RBFOX1: variants seen among roughly 807,000 people sequenced by gnomAD.
RBFOX1 encodes the protein RNA binding protein fox-1 homolog 1.
Under a neutral mutation model 57.7 loss-of-function variants are expected in RBFOX1, and 8 were observed. The observed-to-expected ratio is 0.14, with a 90% CI of 0.08 to 0.25. RBFOX1 has a LOEUF of 0.25. Ranked by LOEUF, RBFOX1 falls within the 10% of genes least tolerant of loss-of-function variation. RBFOX1 has a pLI of 1.00. For synonymous variants in RBFOX1, 326 were observed against 222.4 expected (o/e 1.47, Z -4.15); for missense variants, 611 against 548.5 (o/e 1.11, Z -1.14).
chr16:6,773,366 G>A (rs1329141286), intron 3 of RBFOX1, among the ~76,000 whole-genome samples: 4 of 147,196 alleles, frequency 2.7e-5, no homozygotes, highest in Non-Finnish European at 4.5e-5. Flanking sequence ...GGGTGCATTT[G>A]TGTGTGTGTG....
intron 4 of RBFOX1, among the ~76,000 whole-genome samples, chr16:7,129,985 C>A (rs2069783575): frequency 6.6e-6 from 1 of 151,924 alleles, no homozygotes; most frequent in African/African-American, 2.4e-5. Flanking sequence ...ATATATACTC[C>A]TCTACTTCCA....
At chr16:6,927,887 C>T (rs537035736) in intron 3 of RBFOX1, among the ~76,000 whole-genome samples, 1 of 152,306 alleles carries the variant, frequency 6.6e-6, no homozygotes, top group East Asian at 1.9e-4. Context: ...ATACTAATAG[C>T]ATACGCTAAA....
intron 3 of RBFOX1, among the ~76,000 whole-genome samples, chr16:7,038,561 G>C (rs938395301): frequency 6.6e-6 from 1 of 152,138 alleles, no homozygotes; most frequent in Admixed American, 6.5e-5. Context: ...ACATTTCGTG[G>C]TTTAGCTTGT....
At chr16:6,959,232 C>T (rs2082451596) in intron 3 of RBFOX1, among the ~76,000 whole-genome samples, 2 of 152,152 alleles carry the variant, frequency 1.3e-5, no homozygotes, top group South Asian at 4.1e-4. Context: ...CCTCTCTTTG[C>T]TAAGCTCAGG....
rs147681259 is a variant in RBFOX1, at chr16:5,757,296, A to G, written c.319-110007A>G. 3.7e-3 allele frequency among the ~76,000 whole-genome samples: 549 copies of G among 149,914 alleles called. 4 individuals carry two copies. The highest frequency in any genetic ancestry group is 0.013 in the African/African-American group (526 of 40,428). On this transcript the variant is annotated intron_variant, in intron 3 of 19. Transcript: ENST00000641259. ...TGCCAGGCTGGAGTGCAGTGGTGCAATCTTGGTTCACTGCAACGCTTGCCT... is the reference window on the plus strand; with the variant it reads ...TGCCAGGCTGGAGTGCAGTGGTGCAGTCTTGGTTCACTGCAACGCTTGCCT...
rs535513489 is a variant in RBFOX1 at position 5,642,978 on chromosome 16, A to T, written c.318+44017A>T. Among the ~76,000 whole-genome samples, 36 of 152,090 alleles carry T rather than the reference A, an allele frequency of 2.4e-4. No homozygotes were observed. The South Asian group carries it at 7.3e-3, about 31-fold the overall frequency. ...AGTTCCTCCAGGGCTGGCCTAATCC[A>T]CCGCCTCTCCTGAGCACGACTTCCT... On this transcript the variant is annotated intron_variant, in intron 3 of 19. Transcript: ENST00000641259.
intron 1 of RBFOX1, among the ~76,000 whole-genome samples, chr16:5,458,874 A>G (rs771700778): frequency 6.6e-6 from 1 of 152,202 alleles, no homozygotes; most frequent in Non-Finnish European, 1.5e-5. Flanking sequence ...AGTAGAGAAC[A>G]AGGTAGATAT....
intron 4 of RBFOX1, among the ~76,000 whole-genome samples, chr16:7,183,299 G>C (rs983960798): frequency 6.6e-6 from 1 of 152,132 alleles, no homozygotes; most frequent in African/African-American, 2.4e-5. Context: ...TATCGTGCTT[G>C]TCAATTTACA....
At chr16:6,026,411 A>G (rs1051771580) in intron 1 of RBFOX1, among the ~76,000 whole-genome samples, 1 of 152,206 alleles carries the variant, frequency 6.6e-6, no homozygotes, top group Non-Finnish European at 1.5e-5. Flanking sequence ...GCGTTAAGCA[A>G]TTTGTCCAAG....
intron 4 of RBFOX1, among the ~76,000 whole-genome samples, chr16:7,396,393 C>T (rs1405330870): frequency 2.0e-5 from 3 of 152,102 alleles, no homozygotes; most frequent in African/African-American, 7.2e-5. Context: ...GCATTTTATT[C>T]TTCTGTTTTT....
chr16:7,096,109 G>A (rs931433354), intron 4 of RBFOX1, among the ~76,000 whole-genome samples: 1 of 151,968 alleles, frequency 6.6e-6, no homozygotes, highest in Non-Finnish European at 1.5e-5. Context: ...CGACCCAGGA[G>A]ACATGATATG....
chr16:7,179,315 C>G (rs538963699), intron 4 of RBFOX1, among the ~76,000 whole-genome samples: 20 of 151,770 alleles, frequency 1.3e-4, no homozygotes, highest in African/African-American at 4.8e-4. Flanking sequence ...TGTGTTCAAA[C>G]ATTCTCAAAG....
At chr16:7,025,170 T>G (rs1429512038) in intron 3 of RBFOX1, among the ~76,000 whole-genome samples, 3 of 152,182 alleles carry the variant, frequency 2.0e-5, no homozygotes, top group Admixed American at 6.5e-5. Flanking sequence ...CCTGCCCATT[T>G]TTATGGTTAT....
At chr16:5,725,791 C>G (rs1246308347) in intron 3 of RBFOX1, among the ~76,000 whole-genome samples, 4 of 152,000 alleles carry the variant, frequency 2.6e-5, no homozygotes, top group Admixed American at 1.3e-4. Flanking sequence ...TAGCTGCCCT[C>G]TCCCCACTCA....
At chr16:6,485,286 A>T (rs1165846875) in intron 2 of RBFOX1, among the ~76,000 whole-genome samples, 2 of 152,102 alleles carry the variant, frequency 1.3e-5, no homozygotes, top group East Asian at 1.9e-4. Flanking sequence ...ATGAAGAGGG[A>T]ATTGTTAATC....
At chr16:7,332,646 C>A in intron 4 of RBFOX1, 3 of 499,952 alleles carry the variant, frequency 6.0e-6, no homozygotes, top group South Asian at 5.9e-5. Flanking sequence ...TTCCCTCTGT[C>A]ACTTGGTCTC....
chr16:7,213,881 C>T (rs577717973), intron 4 of RBFOX1, among the ~76,000 whole-genome samples: 15 of 152,274 alleles, frequency 9.9e-5, no homozygotes, highest in African/African-American at 2.2e-4. Flanking sequence ...GACTCAAAGA[C>T]AGCTAGAGGG....
intron 2 of RBFOX1, among the ~76,000 whole-genome samples, chr16:6,628,164 C>G (rs1427984743): frequency 1.3e-5 from 2 of 152,206 alleles, no homozygotes; most frequent in Non-Finnish European, 2.9e-5. Flanking sequence ...TACCTTCTGC[C>G]TCTTCCTGCT....
At chr16:6,093,973 T>G (rs2096212113) in intron 1 of RBFOX1, among the ~76,000 whole-genome samples, 1 of 152,164 alleles carries the variant, frequency 6.6e-6, no homozygotes, top group Non-Finnish European at 1.5e-5. Flanking sequence ...CCTGCTGGCT[T>G]TCGCAAAAGA....
Sources: gnomAD v4.1 joint callset for allele counts (sites outside exome capture counted in the v4.1 genomes callset) on GRCh38, gnomAD v4.1.1 for gene constraint, MANE v1.5 for transcripts, NCBI Gene and HGNC (gene_info 2026-07-23, HGNC 2026-07-21) for gene names.